The following L3MBTL4 variants were observed in gnomAD, a reference collection of about 807,000 sequenced individuals.
L3MBTL4 encodes lethal(3)malignant brain tumor-like protein 4.
Under a neutral mutation model 84.5 loss-of-function variants are expected in L3MBTL4, and 70 were observed. The ratio of observed to expected loss-of-function variants is 0.83; its 90% confidence interval spans 0.68 to 1.01. L3MBTL4 has a LOEUF of 1.01. Among genes scored for constraint, L3MBTL4 ranks in the 50% least tolerant of loss-of-function variants. L3MBTL4 has a pLI of 0.00. For synonymous variants in L3MBTL4, 274 were observed against 259.8 expected, an observed-to-expected ratio of 1.05 and a Z score of -0.52; for missense variants, 715 against 754.8, an observed-to-expected ratio of 0.95 and a Z score of 0.62.
At chr18:6,345,904 CA>C (rs1252445222) in intron 1 of L3MBTL4, among the ~76,000 whole-genome samples, 1 of 151,892 alleles carries the variant, frequency 6.6e-6, no homozygotes, top group African/African-American at 2.4e-5. Context: ...AGAGGCATCA[CA>C]ATTCCTATTT....
At chr18:6,170,876 T>C (rs1169656014) in intron 13 of L3MBTL4, among the ~76,000 whole-genome samples, 2 of 152,110 alleles carry the variant, frequency 1.3e-5, no homozygotes, top group Non-Finnish European at 2.9e-5. Context: ...CCCCATATGG[T>C]GCTGACCATG....
chr18:6,270,679 A>C (rs1473086744), intron 4 of L3MBTL4, among the ~76,000 whole-genome samples: 1 of 152,210 alleles, frequency 6.6e-6, no homozygotes, highest in East Asian at 1.9e-4. Flanking sequence ...AGTGGAAAGA[A>C]AGAGCTGCTT....
chr18:6,263,771 G>A (rs1208264376), intron 5 of L3MBTL4, among the ~76,000 whole-genome samples, 176 bp downstream of exon 5: 1 of 152,164 alleles, frequency 6.6e-6, no homozygotes, highest in African/African-American at 2.4e-5. Context: ...TGGCGGCGCC[G>A]GGCTCCAGCC....
intron 16 of L3MBTL4, among the ~76,000 whole-genome samples, chr18:6,021,047 T>C (rs2055226244): frequency 6.6e-6 from 1 of 152,046 alleles, no homozygotes; most frequent in Non-Finnish European, 1.5e-5. Context: ...GGGAGAAAAT[T>C]GAGTCTAGGA....
chr18:6,351,460 A>G (rs1023584629), intron 1 of L3MBTL4, among the ~76,000 whole-genome samples: 1 of 152,178 alleles, frequency 6.6e-6, no homozygotes, highest in Non-Finnish European at 1.5e-5. Flanking sequence ...CTGCACAACA[A>G]TGTGAATGTG....
intron 16 of L3MBTL4, among the ~76,000 whole-genome samples, chr18:6,019,062 TGG>T (rs1166181061): frequency 6.6e-6 from 1 of 152,240 alleles, no homozygotes; most frequent in Non-Finnish European, 1.5e-5. Context: ...GGGAGATGCA[TGG>T]ATATTACCTA....
chr18:6,160,623 CAA>C (rs2043292245), intron 13 of L3MBTL4, among the ~76,000 whole-genome samples: 1 of 149,182 alleles, frequency 6.7e-6, no homozygotes, highest in Admixed American at 6.8e-5. Flanking sequence ...CCCAGCTACC[CAA>C]GAGTATGAGA....
At chr18:6,022,950 G>A (rs944975658) in intron 16 of L3MBTL4, among the ~76,000 whole-genome samples, 7 of 152,102 alleles carry the variant, frequency 4.6e-5, no homozygotes, top group African/African-American at 9.7e-5. Context: ...CCTCACTTTT[G>A]AGCCTCCTGA....
intron 13 of L3MBTL4, among the ~76,000 whole-genome samples, chr18:6,143,333 T>C (rs767861112): frequency 1.3e-5 from 2 of 152,150 alleles, no homozygotes; most frequent in Non-Finnish European, 2.9e-5. Context: ...GCCATTGCAT[T>C]AAGAACTGCA....
intron 10 of L3MBTL4, among the ~76,000 whole-genome samples, chr18:6,218,634 G>A (rs1379977999): frequency 6.6e-6 from 1 of 152,176 alleles, no homozygotes; most frequent in Non-Finnish European, 1.5e-5. Context: ...TGGCTCTTAA[G>A]CAGCAATTGC....
rs772902775 is a variant in L3MBTL4, at chr18:5,956,248, A to T, written c.1817T>A (p.Ile606Asn). Reference protein sequence around the residue: ...RHSQELPEEDIASGQEVRG With the variant: ...RHSQELPEEDNASGQEVRG ...TCCCCTGACTTCTTGGCCTGAGGCA[A>T]TATCTTCTTCAGGGAGTTCCTGGGA... The change falls in exon 19 of 19, where the codon ATT becomes AAT. Residue 606 changes from isoleucine to asparagine, a missense_variant. By Grantham distance (149) the Ile-to-Asn change is moderately radical. Transcript: ENST00000317931. 1 of 1,614,004 alleles carries T rather than the reference A, an allele frequency of 6.2e-7. No homozygotes were observed. Among genetic ancestry groups the T allele is most frequent in the South Asian group, 1.1e-5 (1 of 91,034 alleles).
At chr18:6,386,660 GT>G (rs2054832341) in intron 1 of L3MBTL4, among the ~76,000 whole-genome samples, 1 of 152,154 alleles carries the variant, frequency 6.6e-6, no homozygotes, top group East Asian at 1.9e-4. Flanking sequence ...TGTGTGAAGA[GT>G]GTTCCCAGTA....
intron 4 of L3MBTL4, among the ~76,000 whole-genome samples, chr18:6,273,727 G>C (rs1248668815): frequency 6.6e-6 from 1 of 152,238 alleles, no homozygotes; most frequent in Non-Finnish European, 1.5e-5. Context: ...GGCAAAGGAA[G>C]TCAGAAGACA....
intron 16 of L3MBTL4, among the ~76,000 whole-genome samples, chr18:6,037,954 G>C (rs1366291820): frequency 3.3e-5 from 5 of 152,184 alleles, no homozygotes. Flanking sequence ...TGGGAAGAAA[G>C]AAGTTGATAG....
chr18:6,095,386 C>A (rs1427506546), intron 14 of L3MBTL4, among the ~76,000 whole-genome samples: 1 of 143,624 alleles, frequency 7.0e-6, no homozygotes, highest in African/African-American at 2.7e-5. Flanking sequence ...CTCGCTCCGT[C>A]GCCCAGGCTG....
chr18:6,000,752 A>G (rs1002856324), intron 16 of L3MBTL4, among the ~76,000 whole-genome samples: 2 of 152,226 alleles, frequency 1.3e-5, no homozygotes, highest in Non-Finnish European at 2.9e-5. Flanking sequence ...CTATCTTAGT[A>G]AAGTTTTTGG....
rs572845576 is a variant in L3MBTL4, at chr18:6,206,702, C to T, written c.981+6447G>A. Among the ~76,000 whole-genome samples, 9 of 152,264 alleles carry T rather than the reference C, an allele frequency of 5.9e-5. No homozygotes were observed. In the South Asian group the frequency reaches 1.7e-3, roughly 28 times the overall value. On this transcript the variant is annotated intron_variant, in intron 12 of 18. Coordinates refer to ENST00000317931, the MANE Select transcript of L3MBTL4 (RefSeq NM_001330559.2). ...TTTCAGGGGCTTGGCTACTTTCACACTGAAAACCAAATAAAAAGAGGGTTA... is the reference window on the plus strand; with the variant it reads ...TTTCAGGGGCTTGGCTACTTTCACATTGAAAACCAAATAAAAAGAGGGTTA...
intron 1 of L3MBTL4, among the ~76,000 whole-genome samples, chr18:6,391,717 G>A (rs781738938): frequency 1.5e-5 from 2 of 133,050 alleles, no homozygotes; most frequent in African/African-American, 2.9e-5. Context: ...AATCAAGAAC[G>A]CAATCCCTTT....
At chr18:6,336,787 T>TA (rs1377911052) in intron 1 of L3MBTL4, among the ~76,000 whole-genome samples, 1 of 152,174 alleles carries the variant, frequency 6.6e-6, no homozygotes, top group African/African-American at 2.4e-5. Context: ...TAGCATTCAA[T>TA]AAAAAATTAC....
Sources: gnomAD v4.1 joint callset for allele counts (sites outside exome capture counted in the v4.1 genomes callset) on GRCh38, gnomAD v4.1.1 for gene constraint, MANE v1.5 for transcripts, NCBI Gene and HGNC (gene_info 2026-07-23, HGNC 2026-07-21) for gene names.